Variants in SEC31A observed in about 807,000 individuals in gnomAD.
The protein encoded by SEC31A is protein transport protein Sec31A.
Under a neutral mutation model 151.0 loss-of-function variants are expected in SEC31A, and 70 were observed. That is an observed-to-expected ratio of 0.46 (90% CI 0.38 to 0.57). SEC31A has a LOEUF of 0.57. Among genes scored for constraint, SEC31A ranks in the 20% least tolerant of loss-of-function variants. The pLI is 0.00. For synonymous variants in SEC31A, 475 were observed against 505.9 expected (o/e 0.94, Z 0.82); for missense variants, 1,330 against 1,471.2 (o/e 0.90, Z 1.57).
At chr4:82,891,335 C>G, upstream of SEC31A, 1 of 716,598 alleles carries the variant, frequency 1.4e-6, no homozygotes, top group Non-Finnish European at 2.3e-6. Context: ...GGGTACGGCT[C>G]CGCTGGTTGG....
At chr4:82,858,222 C>T (rs1367282432) in intron 14 of SEC31A, among the ~76,000 whole-genome samples, 4 of 151,960 alleles carry the variant, frequency 2.6e-5, no homozygotes, top group Non-Finnish European at 2.9e-5. Context: ...ACCATTCTGG[C>T]CAACATGGTG....
At chr4:82,859,489 C>CT (rs1283446751) in intron 14 of SEC31A, among the ~76,000 whole-genome samples, 1 of 151,978 alleles carries the variant, frequency 6.6e-6, no homozygotes, top group Non-Finnish European at 1.5e-5. Context: ...GATGAAATAT[C>CT]TGTCTTCTGT....
chr4:82,833,374 G>T (rs1726441669), intron 22 of SEC31A, among the ~76,000 whole-genome samples: 1 of 152,054 alleles, frequency 6.6e-6, no homozygotes, highest in Non-Finnish European at 1.5e-5. Context: ...ATGGACACAG[G>T]GAGGGGAACA....
chr4:82,842,478 T>C lies in SEC31A; in HGVS notation c.2630A>G (p.Tyr877Cys). 2 of 1,607,804 alleles carry C rather than the reference T, an allele frequency of 1.2e-6. No individual in the cohort carries two copies. Among genetic ancestry groups the C allele is most frequent in the Non-Finnish European group, 1.7e-6 (2 of 1,176,610 alleles). ...GAAGGGATACGGCTGGGCTGGTTGA[T>C]AAGCTACACCAAGGAGAAGAAACAG... Reference protein sequence around the residue: ...QVPPYPQPQPYQPAQPYPFGT... With the variant: ...QVPPYPQPQPCQPAQPYPFGT... Residue 877 changes from tyrosine (Y) to cysteine (C), a missense_variant, in exon 22 of 27, where the codon TAT (tyrosine) becomes TGT (cysteine). By Grantham distance (194) the Tyr-to-Cys change is radical (BLOSUM62 -2). Coordinates refer to ENST00000395310, the MANE Select transcript of SEC31A (RefSeq NM_001077207.4).
chr4:82,846,089 C>T (rs1240727344), intron 20 of SEC31A, among the ~76,000 whole-genome samples: 5 of 152,036 alleles, frequency 3.3e-5, no homozygotes, highest in East Asian at 1.9e-4. Context: ...CTGCAAACTC[C>T]GCCTCCCAGG....
chr4:82,891,054 G>C, intron 1 of SEC31A, 34 bp downstream of exon 1: 8 of 1,535,786 alleles, frequency 5.2e-6, no homozygotes, highest in Non-Finnish European at 7.0e-6. Context: ...CTTAAGGACC[G>C]GCGAAGAGGA....
intron 7 of SEC31A, chr4:82,871,338 A>ACACACACAC: frequency 6.7e-7 from 1 of 1,503,196 alleles, no homozygotes; most frequent in Admixed American, 2.0e-5. Flanking sequence ...ACACACACAC[A>ACACACACAC]AGTAACGTAG....
intron 14 of SEC31A, 161 bp from the exon 15 acceptor site, chr4:82,857,925 T>C: frequency 1.9e-6 from 1 of 513,188 alleles, no homozygotes; most frequent in Non-Finnish European, 3.5e-6. Flanking sequence ...GATCTATGCC[T>C]TCCCTAAATA....
At chr4:82,848,424 C>T (rs1434145432) in intron 20 of SEC31A, among the ~76,000 whole-genome samples, 1 of 151,954 alleles carries the variant, frequency 6.6e-6, no homozygotes, top group Non-Finnish European at 1.5e-5. Flanking sequence ...ATACTATCTT[C>T]TAAAAATATT....
chr4:82,873,500 A>G (rs1479695911), intron 6 of SEC31A, among the ~76,000 whole-genome samples: 1 of 152,232 alleles, frequency 6.6e-6, no homozygotes, highest in Non-Finnish European at 1.5e-5. Flanking sequence ...ATAAATTAAC[A>G]TTATTAGGAA....
intron 21 of SEC31A, among the ~76,000 whole-genome samples, chr4:82,843,152 A>G (rs1480114971): frequency 6.7e-6 from 1 of 149,510 alleles, no homozygotes; most frequent in Admixed American, 6.7e-5. Flanking sequence ...TTTCTTTGAG[A>G]CAGGGTCTTG....
At chr4:82,851,296 T>C (rs1731399875) in intron 19 of SEC31A, 135 bp downstream of exon 19, 1 of 640,714 alleles carries the variant, frequency 1.6e-6, no homozygotes, top group South Asian at 2.2e-5. Flanking sequence ...GTCAATAACA[T>C]TTACCTGCAG....
chr4:82,869,183 G>A (rs562754031), intron 8 of SEC31A, among the ~76,000 whole-genome samples: 9 of 151,878 alleles, frequency 5.9e-5, no homozygotes, highest in South Asian at 2.1e-4. Flanking sequence ...GCAGTGGTGC[G>A]ATCTGGGCTC....
At chr4:82,873,825 TA>T (rs1737312334) in intron 6 of SEC31A, among the ~76,000 whole-genome samples, 1 of 152,092 alleles carries the variant, frequency 6.6e-6, no homozygotes, top group African/African-American at 2.4e-5. Flanking sequence ...TAAAGATACC[TA>T]AAAGGTTCAG....
chr4:82,828,196 A>C (rs1228285797), intron 23 of SEC31A, among the ~76,000 whole-genome samples: 2 of 152,218 alleles, frequency 1.3e-5, no homozygotes, highest in African/African-American at 4.8e-5. Context: ...TACAAGCACC[A>C]TAGCATTTTT....
Position 82,853,633 on chromosome 4 carries a change from A to G in SEC31A, c.2091T>C (p.Asn697=), listed in dbSNP as rs750589266. 6.2e-7 allele frequency: 1 copy of G among 1,605,374 alleles called. No individual in the cohort carries two copies. Among genetic ancestry groups the G allele is most frequent in the Non-Finnish European group, 8.5e-7 (1 of 1,177,902 alleles). Residue 697 remains asparagine, a synonymous_variant, in exon 18 of 27, where the codon AAT becomes AAC. Coordinates refer to ENST00000395310, the MANE Select transcript of SEC31A (RefSeq NM_001077207.4). The part of the protein sequence containing the change: ...QACLCYICAG[N]VEKLVACWTK... ...TCCAACATGCAACTAATTTCTCTAC[A>G]TTCCCTGCACAAATATAGCAGAGAC...
At chr4:82,840,419 T>C (rs1300163430) in intron 22 of SEC31A, among the ~76,000 whole-genome samples, 2 of 152,162 alleles carry the variant, frequency 1.3e-5, no homozygotes, top group Admixed American at 1.3e-4. Context: ...TACAAATGAA[T>C]TAGCATTCCT....
chr4:82,857,002 C>G lies in SEC31A; in HGVS notation c.1831G>C (p.Ala611Pro). 6.2e-7 allele frequency: 1 copy of G among 1,612,796 alleles called. No homozygotes were observed. The highest frequency in any genetic ancestry group is 1.7e-5 in the Admixed American group (1 of 59,534). The change falls in exon 16 of 27, where the codon GCT becomes CCT. Residue 611 changes from alanine (A) to proline (P), a missense_variant. Coordinates refer to ENST00000395310, the MANE Select transcript of SEC31A (RefSeq NM_001077207.4). ...LAIAGGQELL[A>P]RTQKKYFAKS... ...GCGAAGTATTTTTTCTGGGTTCGAG[C>G]CAAGAGTTCTTGTCCACCTGCTATG...
At chr4:82,841,641 A>T (rs113380934) in intron 22 of SEC31A, among the ~76,000 whole-genome samples, 8 of 148,888 alleles carry the variant, frequency 5.4e-5, no homozygotes, top group African/African-American at 1.7e-4. Flanking sequence ...ACTGGGTCTT[A>T]AAAAAAACAA....
Sources: gnomAD v4.1 joint callset for allele counts (sites outside exome capture counted in the v4.1 genomes callset) on GRCh38, gnomAD v4.1.1 for gene constraint, MANE v1.5 for transcripts, NCBI Gene and HGNC (gene_info 2026-07-23, HGNC 2026-07-21) for gene names.